SENP7: variants seen among roughly 807,000 people sequenced by gnomAD.
SENP7 encodes sentrin-specific protease 7.
A neutral mutation model predicts 141.2 loss-of-function variants in SENP7; 64 were observed. The ratio of observed to expected loss-of-function variants is 0.45; its 90% CI spans 0.37 to 0.56. SENP7 has a LOEUF of 0.56. Among genes scored for constraint, SENP7 ranks in the 20% least tolerant of loss-of-function variants. The probability of loss-of-function intolerance (pLI) is 0.00; values close to 1 mark genes in which losing one functional copy is unlikely to be tolerated. For missense variants in SENP7, 1,025 were observed against 1,212.2 expected (o/e 0.85, Z 2.29); for synonymous variants, 382 against 426.4 (o/e 0.90, Z 1.28).
intron 3 of SENP7, among the ~76,000 whole-genome samples, chr3:101,465,673 G>A (rs1341928001): frequency 6.6e-6 from 1 of 152,018 alleles, no homozygotes; most frequent in Non-Finnish European, 1.5e-5. Context: ...CAATGTTAAT[G>A]GTAAATTGGA....
chr3:101,440,580 T>C (rs1051786352), intron 4 of SENP7, among the ~76,000 whole-genome samples: 1 of 105,936 alleles, frequency 9.4e-6, no homozygotes, highest in Non-Finnish European at 1.8e-5. Context: ...AAAAAATAAA[T>C]TAAAAAAAAA....
intron 1 of SENP7, among the ~76,000 whole-genome samples, chr3:101,501,613 C>T (rs951334668): frequency 1.3e-5 from 2 of 152,096 alleles, no homozygotes; most frequent in Non-Finnish European, 2.9e-5. Flanking sequence ...CTTTTACTCA[C>T]CAACATTTTT....
At chr3:101,436,556 G>C (rs1320226666) in intron 4 of SENP7, among the ~76,000 whole-genome samples, 1 of 151,872 alleles carries the variant, frequency 6.6e-6, no homozygotes, top group Non-Finnish European at 1.5e-5. Flanking sequence ...AATATACAAA[G>C]AGTCCAAACA....
chr3:101,481,912 T>A (rs940629170), intron 3 of SENP7, among the ~76,000 whole-genome samples: 1 of 152,178 alleles, frequency 6.6e-6, no homozygotes, highest in Non-Finnish European at 1.5e-5. Context: ...CGAGGTTGCA[T>A]GATACAAGAT....
intron 23 of SENP7, among the ~76,000 whole-genome samples, chr3:101,327,151 C>A (rs1208233493): frequency 6.6e-6 from 1 of 151,942 alleles, no homozygotes. Flanking sequence ...ATCTGGATCA[C>A]CTGTGGTTCT....
intron 3 of SENP7, among the ~76,000 whole-genome samples, chr3:101,470,110 CA>C (rs1400291298): frequency 6.6e-6 from 1 of 151,930 alleles, no homozygotes; most frequent in Non-Finnish European, 1.5e-5. Context: ...ACTAAATGTC[CA>C]CAAGAGAAAG....
chr3:101,331,462 A>G (rs906488120), intron 19 of SENP7, among the ~76,000 whole-genome samples: 1 of 108,086 alleles, frequency 9.3e-6, no homozygotes, highest in African/African-American at 3.5e-5. Flanking sequence ...CACCAAGACA[A>G]CGTCTCTTAA....
At chr3:101,404,798 C>A (rs998579386) in intron 5 of SENP7, among the ~76,000 whole-genome samples, 1 of 152,140 alleles carries the variant, frequency 6.6e-6, no homozygotes, top group Non-Finnish European at 1.5e-5. Context: ...AGAAGATACA[C>A]ATGCAGACAA....
chr3:101,485,084 C>G (rs1001073023), intron 3 of SENP7, among the ~76,000 whole-genome samples: 1 of 152,004 alleles, frequency 6.6e-6, no homozygotes, highest in African/African-American at 2.4e-5. Context: ...ACCCACACCC[C>G]CCACAGCAGC....
chr3:101,449,897 C>G (rs1372280768), intron 4 of SENP7, among the ~76,000 whole-genome samples: 1 of 152,242 alleles, frequency 6.6e-6, no homozygotes, highest in East Asian at 1.9e-4. Flanking sequence ...GGGCTAAATG[C>G]TCCAATTAAA....
chr3:101,392,279 T>G (rs570851734), intron 6 of SENP7, among the ~76,000 whole-genome samples: 1 of 152,220 alleles, frequency 6.6e-6, no homozygotes, highest in South Asian at 2.1e-4. Flanking sequence ...AGTCAAATTA[T>G]CCCTCTTTCC....
Position 101,389,410 on chromosome 3 carries a change from GT to G in SENP7, c.677+9450del, listed in dbSNP as rs148603677. 5.7e-3 allele frequency among the ~76,000 whole-genome samples: 870 copies of G among 152,160 alleles called. 15 individuals are homozygous for G. Among genetic ancestry groups the G allele is most frequent in the African/African-American group, 0.019 (801 of 41,494 alleles). ...ATTCTAAGAACAGCAAAAGAAACAT[GT>G]CTAGACACTTATAAGAGAATCTCCA... is the stretch of plus-strand genomic sequence containing the variant. On this transcript the variant is annotated intron_variant, in intron 6 of 23. Coordinates refer to ENST00000394095, the MANE Select transcript of SENP7 (RefSeq NM_020654.5).
chr3:101,423,669 A>C (rs1285565597), intron 4 of SENP7, among the ~76,000 whole-genome samples: 1 of 152,142 alleles, frequency 6.6e-6, no homozygotes, highest in East Asian at 1.9e-4. Context: ...AGATCTTCAG[A>C]GGGAAGGCAC....
intron 5 of SENP7, among the ~76,000 whole-genome samples, chr3:101,410,180 A>G (rs1266860204): frequency 1.3e-5 from 2 of 152,244 alleles, no homozygotes; most frequent in Non-Finnish European, 2.9e-5. Context: ...AAACATATGA[A>G]AAAGTGCTCA....
chr3:101,493,450 G>C (rs1197386085), intron 3 of SENP7, among the ~76,000 whole-genome samples: 1 of 152,082 alleles, frequency 6.6e-6, no homozygotes, highest in African/African-American at 2.4e-5. Context: ...ATCAAAGTCT[G>C]ATTATAATGC....
At chr3:101,501,861 C>A (rs1259326885) in intron 1 of SENP7, among the ~76,000 whole-genome samples, 1 of 152,146 alleles carries the variant, frequency 6.6e-6, no homozygotes, top group Non-Finnish European at 1.5e-5. Context: ...CTGCTTATGA[C>A]AAATGCACGA....
intron 3 of SENP7, among the ~76,000 whole-genome samples, chr3:101,491,279 C>T (rs1334952911): frequency 2.0e-5 from 3 of 151,256 alleles, no homozygotes; most frequent in Non-Finnish European, 2.9e-5. Context: ...CACAAGACCA[C>T]GCCTAGCTTA....
chr3:101,446,415 G>A (rs2062898361), intron 4 of SENP7, among the ~76,000 whole-genome samples: 2 of 152,172 alleles, frequency 1.3e-5, no homozygotes, highest in South Asian at 4.1e-4. Context: ...AGACCTAATA[G>A]ACCTAACAGA....
At chr3:101,510,336 G>A (rs1316878261) in intron 1 of SENP7, among the ~76,000 whole-genome samples, 1 of 152,174 alleles carries the variant, frequency 6.6e-6, no homozygotes, top group East Asian at 1.9e-4. Context: ...TTGGGTTTCT[G>A]CTACTTGCAA....
Sources: gnomAD v4.1 joint callset for allele counts (sites outside exome capture counted in the v4.1 genomes callset) on GRCh38, gnomAD v4.1.1 for gene constraint, MANE v1.5 for transcripts, NCBI Gene and HGNC (gene_info 2026-07-23, HGNC 2026-07-21) for gene names.